The following HACE1 variants were observed in gnomAD, a reference collection of about 807,000 sequenced individuals.
HACE1 encodes HECT domain and ankyrin repeat containing E3 ubiquitin protein ligase 1.
In HACE1, 73 loss-of-function variants were observed where a neutral mutation model predicts 118.4. The observed-to-expected ratio is 0.62, with a 90% CI of 0.51 to 0.75. The LOEUF (loss-of-function observed/expected upper bound fraction) is 0.75, where lower values mean the gene tolerates loss of function less well. Among genes scored for constraint, HACE1 ranks in the 30% least tolerant of loss-of-function variants. The probability of loss-of-function intolerance (pLI) is 0.00; values close to 1 mark genes in which losing one functional copy is unlikely to be tolerated. For missense variants in HACE1, 749 were observed against 1,102.2 expected (o/e 0.68, Z 4.54); for synonymous variants, 368 against 374.8 (o/e 0.98, Z 0.21).
At chr6:104,850,830 TTG>T in intron 3 of HACE1, 75 bp downstream of exon 3, 1 of 904,138 alleles carries the variant, frequency 1.1e-6, no homozygotes, top group South Asian at 1.3e-5. Context: ...CCCAGAAATA[TTG>T]TGTGATAATG....
intron 18 of HACE1, 121 bp from the exon 19 acceptor site, chr6:104,771,510 C>T (rs1780596168): frequency 1.5e-6 from 1 of 654,796 alleles, no homozygotes; most frequent in Admixed American, 2.6e-5. Flanking sequence ...CAATCCTACA[C>T]ACAGCATATT....
chr6:104,818,201 T>C (rs1772312632), intron 6 of HACE1, among the ~76,000 whole-genome samples: 1 of 152,122 alleles, frequency 6.6e-6, no homozygotes, highest in African/African-American at 2.4e-5. Context: ...TGAAAACAAG[T>C]AGTCAACTAT....
intron 6 of HACE1, among the ~76,000 whole-genome samples, chr6:104,828,347 G>T (rs996604916): frequency 4.6e-4 from 70 of 152,024 alleles, no homozygotes; most frequent in African/African-American, 1.4e-3. Context: ...CATAATAGCA[G>T]TAGGTATTAT....
chr6:104,808,577 A>C lies in HACE1; in HGVS notation c.617+2734T>G, dbSNP rs78932280. Among the ~76,000 whole-genome samples, 1,001 of 152,320 alleles carry C rather than the reference A, an allele frequency of 6.6e-3. 7 individuals are homozygous for C. Among genetic ancestry groups the C allele is most frequent in the Middle Eastern group, 6.8e-3 (2 of 294 alleles). On this transcript the variant is annotated intron_variant, in intron 7 of 23. Coordinates refer to ENST00000262903, the MANE Select transcript of HACE1 (RefSeq NM_020771.4). ...TAATTGCAAAATTCAAATACAAAGA[A>C]AACAGTTTCAGTAGTTGACCCTTGA...
chr6:104,841,210 G>A (rs1775091671), intron 5 of HACE1, among the ~76,000 whole-genome samples: 1 of 151,756 alleles, frequency 6.6e-6, no homozygotes, highest in Admixed American at 6.6e-5. Context: ...TTTTCTACAA[G>A]CCAGGTAGAA....
chr6:104,740,279 C>T (rs1776491682), intron 22 of HACE1, among the ~76,000 whole-genome samples: 1 of 146,858 alleles, frequency 6.8e-6, no homozygotes, highest in Non-Finnish European at 1.5e-5. Context: ...AGAGCAAACA[C>T]ATTCAAAAGC....
intron 6 of HACE1, among the ~76,000 whole-genome samples, chr6:104,831,990 GGAAGGAAGGA>G (rs1562471473): frequency 3.2e-5 from 3 of 95,228 alleles, no homozygotes; most frequent in South Asian, 3.6e-4. Flanking sequence ...GAGGAAGGAA[GGAAGGAAGGA>G]AGGAAGGAAG....
intron 11 of HACE1, chr6:104,787,181 TTCAC>T (rs1394050162): frequency 1.3e-5 from 2 of 152,204 alleles, no homozygotes; most frequent in African/African-American, 4.8e-5. Flanking sequence ...AAAAACCTAG[TTCAC>T]TCACTCAACC....
At chr6:104,784,516 CA>C (rs1782131036) in intron 12 of HACE1, 31 bp from the exon 13 acceptor site, 1 of 1,484,162 alleles carries the variant, frequency 6.7e-7, no homozygotes, top group Admixed American at 1.7e-5. Flanking sequence ...TCAGAATACA[CA>C]GGCAAAAGTT....
At chr6:104,748,403 GA>G (rs902158219) in intron 20 of HACE1, among the ~76,000 whole-genome samples, 3 of 152,118 alleles carry the variant, frequency 2.0e-5, no homozygotes, top group African/African-American at 7.2e-5. Flanking sequence ...TGAATTACCA[GA>G]ATGGAAATGA....
chr6:104,750,684 T>G (rs1777946824), intron 19 of HACE1, among the ~76,000 whole-genome samples: 1 of 152,052 alleles, frequency 6.6e-6, no homozygotes, highest in Non-Finnish European at 1.5e-5. Flanking sequence ...CACACCCTAT[T>G]TCAGCTGATA....
chr6:104,765,983 T>C (rs1249303312), intron 19 of HACE1, among the ~76,000 whole-genome samples: 1 of 152,228 alleles, frequency 6.6e-6, no homozygotes, highest in Admixed American at 6.5e-5. Context: ...CTTTCTGTGC[T>C]ACGGATAAAG....
rs72218235 is a variant in HACE1 at position 104,744,232 on chromosome 6, TAAC to T, written c.2443-5_2443-3del. 0.16 allele frequency: 254,131 copies of T among 1,575,176 alleles called. 24,603 individuals are homozygous for T. Among genetic ancestry groups the T allele is most frequent in the African/African-American group, 0.42 (30,988 of 73,548 alleles). On this transcript the variant is annotated splice_region_variant and splice_polypyrimidine_tract_variant and intron_variant, in intron 21 of 23. Coordinates refer to ENST00000262903, the MANE Select transcript of HACE1 (RefSeq NM_020771.4). ...GTCTTCTACAACTTCCCAGAACCAC[TAAC>T]AACAAGAACAAAAAACTTAGCTCAT...
At chr6:104,734,558 A>G (rs1459302570) in intron 22 of HACE1, among the ~76,000 whole-genome samples, 1 of 152,208 alleles carries the variant, frequency 6.6e-6, no homozygotes, top group Non-Finnish European at 1.5e-5. Context: ...ATAGAGCTCT[A>G]ATTACACTCA....
At chr6:104,806,917 T>A (rs899742134) in intron 7 of HACE1, among the ~76,000 whole-genome samples, 7 of 152,016 alleles carry the variant, frequency 4.6e-5, no homozygotes, top group Non-Finnish European at 8.8e-5. Flanking sequence ...GTATAAATAG[T>A]CCAGACAGTT....
At chr6:104,857,223 A>G (rs1290103788) in intron 1 of HACE1, among the ~76,000 whole-genome samples, 2 of 148,648 alleles carry the variant, frequency 1.3e-5, no homozygotes, top group African/African-American at 4.9e-5. Flanking sequence ...ATATATTCCT[A>G]TATGTATGAT....
At chr6:104,736,779 T>G (rs1775886823) in intron 22 of HACE1, among the ~76,000 whole-genome samples, 1 of 152,182 alleles carries the variant, frequency 6.6e-6, no homozygotes, top group Non-Finnish European at 1.5e-5. Flanking sequence ...CCAGCCTATT[T>G]ATTCTTTAAA....
intron 19 of HACE1, among the ~76,000 whole-genome samples, chr6:104,769,557 C>A (rs950225214): frequency 6.6e-6 from 1 of 152,160 alleles, no homozygotes; most frequent in African/African-American, 2.4e-5. Flanking sequence ...CACTCACTGG[C>A]AAATCATATA....
intron 1 of HACE1, among the ~76,000 whole-genome samples, chr6:104,853,448 T>C (rs1776434355): frequency 6.6e-6 from 1 of 152,162 alleles, no homozygotes; most frequent in Non-Finnish European, 1.5e-5. Flanking sequence ...TTTTATATAT[T>C]ACTAAGGGTC....
Sources: allele counts gnomAD v4.1 joint callset (sites outside exome capture counted in the v4.1 genomes callset), GRCh38; gene constraint gnomAD v4.1.1; transcripts MANE v1.5; gene names NCBI Gene and HGNC (gene_info 2026-07-23, HGNC 2026-07-21).